ULK4: variants seen among roughly 807,000 people sequenced by gnomAD.
ULK4 encodes unc-51 like kinase 4, also known as inactive serine/threonine-protein kinase ULK4.
Under a neutral mutation model 160.6 loss-of-function variants are expected in ULK4, and 133 were observed. The ratio of observed to expected loss-of-function variants is 0.83; its 90% CI spans 0.72 to 0.96. The LOEUF is 0.96. Among genes scored for constraint, ULK4 ranks in the 40% least tolerant of loss-of-function variants. The probability of loss-of-function intolerance (pLI) is 0.00; values close to 1 mark genes in which losing one functional copy is unlikely to be tolerated. For synonymous variants in ULK4, 534 were observed against 539.8 expected (o/e 0.99, Z 0.15); for missense variants, 1,580 against 1,499.5 (o/e 1.05, Z -0.89).
intron 32 of ULK4, among the ~76,000 whole-genome samples, chr3:41,517,965 CAA>C (rs1559668056): frequency 6.6e-6 from 1 of 152,094 alleles, no homozygotes; most frequent in Non-Finnish European, 1.5e-5. Flanking sequence ...TTCCATGGCT[CAA>C]AAAAGATTTG....
intron 30 of ULK4, among the ~76,000 whole-genome samples, chr3:41,640,456 G>C (rs1334735148): frequency 6.6e-6 from 1 of 152,138 alleles, no homozygotes; most frequent in African/African-American, 2.4e-5. Context: ...CCAAAATGTA[G>C]AATGGTCTCT....
chr3:41,420,475 CTTTTT>C lies in ULK4; in HGVS notation c.3493-22216_3493-22212del, dbSNP rs1165381982. Among the ~76,000 whole-genome samples the C allele has an allele frequency of 3.0e-3, 124 of 41,182 alleles. 2 individuals carry two copies. The highest frequency in any genetic ancestry group is 0.011 in the African/African-American group (110 of 10,042). The allele number at this position is 41,182 out of a possible 152,430, so 27.0% of individuals were successfully genotyped here. On this transcript the variant is annotated intron_variant, in intron 34 of 36. Transcript: ENST00000301831. ...GGATTTTTCAGTTTTCCAGTTCTTT[CTTTTT>C]TTTTTTTTTTTTTTTTTTTTGAGAT...
chr3:41,388,718 T>C (rs1282643109), intron 35 of ULK4, among the ~76,000 whole-genome samples: 1 of 152,140 alleles, frequency 6.6e-6, no homozygotes. Context: ...GGCTCTGTTC[T>C]GTTCCATTGA....
chr3:41,438,126 A>AT (rs3038405), intron 34 of ULK4, among the ~76,000 whole-genome samples: 1 of 150,966 alleles, frequency 6.6e-6, no homozygotes, highest in Non-Finnish European at 1.5e-5. Context: ...AAAAAAAAAA[A>AT]GCAGGGTCAG....
chr3:41,734,656 G>A lies in ULK4; in HGVS notation c.2322-16795C>T, dbSNP rs142143588. ...GAGACTGAGGTGGGAAGAAAGCAAGGAATGTAGATTAAGCCCCTATTATGA... is the reference window on the plus strand; with the variant it reads ...GAGACTGAGGTGGGAAGAAAGCAAGAAATGTAGATTAAGCCCCTATTATGA... On this transcript the variant is annotated intron_variant, in intron 22 of 36. Transcript: ENST00000301831. 2.0e-4 allele frequency among the ~76,000 whole-genome samples: 30 copies of A among 152,280 alleles called. No individual in the cohort carries two copies. In the East Asian group the frequency reaches 5.8e-3, roughly 29 times the overall value.
At chr3:41,617,475 A>T (rs1365382844) in intron 30 of ULK4, among the ~76,000 whole-genome samples, 1 of 152,014 alleles carries the variant, frequency 6.6e-6, no homozygotes, top group African/African-American at 2.4e-5. Context: ...TACTCAGGCA[A>T]ACAGGGTCTG....
chr3:41,919,615 A>G, intron 6 of ULK4, 102 bp downstream of exon 6: 1 of 975,392 alleles, frequency 1.0e-6, no homozygotes, highest in Non-Finnish European at 1.6e-6. Flanking sequence ...ATAAAAAAAA[A>G]TCTAGTTTTT....
intron 30 of ULK4, among the ~76,000 whole-genome samples, chr3:41,657,818 T>TTAAAAAAAAAAAA (rs1491095343): frequency 2.0e-5 from 2 of 99,760 alleles, no homozygotes; most frequent in Non-Finnish European, 1.8e-5. Context: ...TCCATCTCAT[T>TTAAAAAAAAAAAA]AAAAAAAAAA....
In ULK4 at chr3:41,778,046, C is replaced by T. The variant is rs1490909817; in HGVS notation, c.2193+11615G>A. On this transcript the variant is annotated intron_variant, in intron 21 of 36. Coordinates refer to ENST00000301831, the MANE Select transcript of ULK4 (RefSeq NM_017886.4). ...TAGGAAAAGAGGAAGTCAAATTGTC[C>T]CTGTTTGCAGACGACATGATTGTTT... 5.5e-5 allele frequency among the ~76,000 whole-genome samples: 7 copies of T among 128,380 alleles called. No homozygotes were observed. In the East Asian group the frequency reaches 1.2e-3, roughly 22 times the overall value. 84.2% of individuals were successfully genotyped at this position (128,380 alleles called of 152,430 possible).
intron 25 of ULK4, among the ~76,000 whole-genome samples, chr3:41,711,350 G>C (rs533729520): frequency 1.3e-5 from 2 of 152,298 alleles, no homozygotes; most frequent in Non-Finnish European, 2.9e-5. Context: ...CTGCTGGCTA[G>C]GGGGTGTGAA....
At chr3:41,463,294 G>A in intron 32 of ULK4, 41 bp from the exon 33 acceptor site, 1 of 1,585,330 alleles carries the variant, frequency 6.3e-7, no homozygotes, top group East Asian at 2.2e-5. Flanking sequence ...TCATCATTAA[G>A]TACACAAATG....
chr3:41,900,134 A>G (rs1575912853), intron 13 of ULK4, among the ~76,000 whole-genome samples: 1 of 152,282 alleles, frequency 6.6e-6, no homozygotes, highest in East Asian at 1.9e-4. Context: ...CCCTAGCAAT[A>G]AAGTATTATA....
intron 30 of ULK4, among the ~76,000 whole-genome samples, chr3:41,633,295 T>C (rs1260382242): frequency 1.3e-5 from 2 of 152,180 alleles, no homozygotes; most frequent in Non-Finnish European, 2.9e-5. Flanking sequence ...GTTGAATCAA[T>C]CAAGAGAAGA....
At chr3:41,742,692 C>T (rs1226406277) in intron 22 of ULK4, among the ~76,000 whole-genome samples, 2 of 151,852 alleles carry the variant, frequency 1.3e-5, no homozygotes, top group Non-Finnish European at 1.5e-5. Flanking sequence ...AAGCAGCTAT[C>T]ATAAAAATGT....
chr3:41,568,284 G>A (rs764971173), intron 31 of ULK4, among the ~76,000 whole-genome samples: 1 of 152,182 alleles, frequency 6.6e-6, no homozygotes, highest in Non-Finnish European at 1.5e-5. Context: ...AGGTGGCTTG[G>A]GAGTGCTGCA....
chr3:41,672,288 T>A (rs1263817821), intron 29 of ULK4, among the ~76,000 whole-genome samples: 1 of 152,172 alleles, frequency 6.6e-6, no homozygotes. Flanking sequence ...GCAGTGCTAT[T>A]CACAATAGCA....
At chr3:41,589,996 G>A (rs1195180153) in intron 31 of ULK4, among the ~76,000 whole-genome samples, 1 of 151,650 alleles carries the variant, frequency 6.6e-6, no homozygotes, top group Non-Finnish European at 1.5e-5. Context: ...AGAACCAAAT[G>A]CAAGGTTTTT....
At chr3:41,793,158 A>T (rs2040200854) in intron 20 of ULK4, among the ~76,000 whole-genome samples, 1 of 148,464 alleles carries the variant, frequency 6.7e-6, no homozygotes, top group South Asian at 2.2e-4. Context: ...GGGCAACAAG[A>T]GTGAAACTCC....
intron 22 of ULK4, among the ~76,000 whole-genome samples, chr3:41,751,608 T>A (rs1400754161): frequency 2.0e-5 from 3 of 152,200 alleles, no homozygotes; most frequent in Admixed American, 6.5e-5. Flanking sequence ...TAAACATTTA[T>A]TCAGAGATAA....
Sources: allele counts gnomAD v4.1 joint callset (sites outside exome capture counted in the v4.1 genomes callset), GRCh38; gene constraint gnomAD v4.1.1; transcripts MANE v1.5; gene names NCBI Gene and HGNC (gene_info 2026-07-23, HGNC 2026-07-21).